MYO10: variants seen among roughly 807,000 people sequenced by gnomAD.
MYO10 encodes unconventional myosin-X.
In MYO10, 133 loss-of-function variants were observed where a neutral mutation model predicts 257.3. That is an observed-to-expected ratio of 0.52 (90% CI 0.45 to 0.60). The LOEUF is 0.60. Among genes scored for constraint, MYO10 ranks in the 20% least tolerant of loss-of-function variants. The pLI is 0.00. For synonymous variants in MYO10, 1,104 were observed against 1,028.6 expected (o/e 1.07, Z -1.40); for missense variants, 2,399 against 2,635.7 (o/e 0.91, Z 1.97).
intron 26 of MYO10, among the ~76,000 whole-genome samples, chr5:16,698,243 G>T (rs1000369237): frequency 1.3e-5 from 2 of 152,086 alleles, no homozygotes; most frequent in African/African-American, 2.4e-5. Context: ...TGCGCCTGCA[G>T]TCCTAGCTCC....
At chr5:16,791,566 A>ACACACACACACG (rs1272825679) in intron 4 of MYO10, among the ~76,000 whole-genome samples, 1 of 151,176 alleles carries the variant, frequency 6.6e-6, no homozygotes, top group Admixed American at 6.6e-5. Context: ...ACACACATAC[A>ACACACACACACG]CATATGCACA....
chr5:16,720,911 T>C (rs73051070), intron 19 of MYO10, among the ~76,000 whole-genome samples: 80 of 152,342 alleles, frequency 5.3e-4, no homozygotes, highest in African/African-American at 1.9e-3. Flanking sequence ...AATATGTGAA[T>C]TATGTAATAA....
At chr5:16,784,793 T>C (rs186539867) in intron 4 of MYO10, among the ~76,000 whole-genome samples, 2 of 152,236 alleles carry the variant, frequency 1.3e-5, no homozygotes, top group Admixed American at 1.3e-4. Flanking sequence ...TGTGAATCAA[T>C]TGCATGTAAT....
In MYO10 at chr5:16,899,628, CAAAAAAA is replaced by C. The variant is rs370278252; in HGVS notation, c.22-21928_22-21922del. ...GGGCAACAAGAGCAAAACTCAGTTT[CAAAAAAA>C]AAAAAAACAAAAAACAATGTGATAA... is the stretch of plus-strand genomic sequence containing the variant. On this transcript the variant is annotated intron_variant, in intron 1 of 40. Transcript: ENST00000513610. Among the ~76,000 whole-genome samples the C allele has an allele frequency of 1.1e-3, 132 of 123,380 alleles. 1 individual carries two copies. Among genetic ancestry groups the C allele is most frequent in the African/African-American group, 3.8e-3 (126 of 32,788 alleles). 80.9% of individuals were successfully genotyped at this position (123,380 alleles called of 152,430 possible).
Position 16,902,474 on chromosome 5 carries a change from C to T in MYO10, c.22-24767G>A, listed in dbSNP as rs149898337. On this transcript the variant is annotated intron_variant, in intron 1 of 40. Transcript: ENST00000513610. The stretch of plus-strand genomic sequence containing the variant: ...GAAGCACATAGGCATCGAAGACGCT[C>T]GCTTCAGACATGTCCCTGACTGCTG... The T allele has an allele frequency of 2.3e-3, 3,391 of 1,496,268 alleles. 68 individuals are homozygous for T. The African/African-American group carries it at 0.041, about 18-fold the overall frequency. The allele number at this position is 1,496,268 out of a possible 1,614,324, so 92.7% of individuals were successfully genotyped here.
chr5:16,834,723 G>A (rs1426080478), intron 2 of MYO10, among the ~76,000 whole-genome samples: 1 of 152,144 alleles, frequency 6.6e-6, no homozygotes, highest in African/African-American at 2.4e-5. Flanking sequence ...TAATTCCTTG[G>A]CTGCCCTTAA....
At chr5:16,762,402 TA>T in intron 15 of MYO10, 142 bp downstream of exon 15, 1 of 744,402 alleles carries the variant, frequency 1.3e-6, no homozygotes, top group Non-Finnish European at 2.1e-6. Flanking sequence ...TTAGTTCTAG[TA>T]ATAGAAGAAC....
At chr5:16,918,449 A>G (rs1395941169) in intron 1 of MYO10, among the ~76,000 whole-genome samples, 1 of 151,608 alleles carries the variant, frequency 6.6e-6, no homozygotes. Context: ...TTGGCATTCC[A>G]CACGGATGCT....
intron 1 of MYO10, among the ~76,000 whole-genome samples, chr5:16,896,712 G>A (rs879747744): frequency 2.6e-5 from 4 of 152,194 alleles, no homozygotes; most frequent in Non-Finnish European, 4.4e-5. Flanking sequence ...GGAATGACAG[G>A]AGCTGGATCT....
At position 16,675,102 on chromosome 5, in the gene MYO10, A is replaced by T; in HGVS notation, c.4715T>A (p.Ile1572Lys). The part of the protein sequence containing the change: ...YTTLQDEAIK[I>K]FNSLQQLESM... ...CTCCAGTTGCTGCAGGGAATTGAATATCTTGATGGCCTCATCCTGAAGGGT... is the reference window on the plus strand; with the variant it reads ...CTCCAGTTGCTGCAGGGAATTGAATTTCTTGATGGCCTCATCCTGAAGGGT... The change falls in exon 35 of 41, where the codon ATA (isoleucine) becomes AAA (lysine). Residue 1572 changes from isoleucine (I) to lysine (K), a missense_variant. Physicochemically the swap from Ile to Lys is moderately radical, Grantham distance 102 (BLOSUM62 -3). Coordinates refer to ENST00000513610, the MANE Select transcript of MYO10 (RefSeq NM_012334.3). 6.2e-7 allele frequency: 1 copy of T among 1,613,986 alleles called. No individual in the cohort carries two copies. Among genetic ancestry groups the T allele is most frequent in the Non-Finnish European group, 8.5e-7 (1 of 1,179,892 alleles).
At chr5:16,859,306 C>A (rs1744047669) in intron 2 of MYO10, among the ~76,000 whole-genome samples, 2 of 152,142 alleles carry the variant, frequency 1.3e-5, no homozygotes, top group South Asian at 2.1e-4. Context: ...TGTAGCTGTG[C>A]CCTCATGTGG....
At chr5:16,907,960 C>T (rs1363736924) in intron 1 of MYO10, among the ~76,000 whole-genome samples, 1 of 152,210 alleles carries the variant, frequency 6.6e-6, no homozygotes, top group Non-Finnish European at 1.5e-5. Flanking sequence ...TGGCCAGGCT[C>T]GGTGGCTCAC....
At chr5:16,764,209 G>C in intron 12 of MYO10, 41 bp downstream of exon 12, 1 of 1,605,592 alleles carries the variant, frequency 6.2e-7, no homozygotes, top group Non-Finnish European at 8.5e-7. Flanking sequence ...GCTAATCATG[G>C]ACAGAAGAGA....
At chr5:16,861,107 G>C (rs1420801198) in intron 2 of MYO10, among the ~76,000 whole-genome samples, 1 of 152,088 alleles carries the variant, frequency 6.6e-6, no homozygotes, top group East Asian at 1.9e-4. Context: ...CAAGGCCCTT[G>C]GTAGAAGCTT....
intron 3 of MYO10, among the ~76,000 whole-genome samples, chr5:16,812,092 C>T (rs886082464): frequency 2.0e-5 from 3 of 152,178 alleles, no homozygotes; most frequent in Non-Finnish European, 2.9e-5. Flanking sequence ...AGCCAACCCC[C>T]TCTCCTCAAG....
intron 4 of MYO10, among the ~76,000 whole-genome samples, chr5:16,790,410 T>C (rs1372034362): frequency 2.0e-5 from 3 of 152,122 alleles, no homozygotes; most frequent in African/African-American, 7.2e-5. Context: ...TTTGGCTGTG[T>C]CCCCACCCAG....
chr5:16,712,673 C>T (rs1738674827), intron 19 of MYO10, among the ~76,000 whole-genome samples: 1 of 152,244 alleles, frequency 6.6e-6, no homozygotes, highest in African/African-American at 2.4e-5. Flanking sequence ...TGCTTTGCAA[C>T]TGTCCCTCAC....
intron 39 of MYO10, 72 bp downstream of exon 39, chr5:16,670,454 G>C: frequency 7.4e-7 from 1 of 1,353,348 alleles, no homozygotes; most frequent in Non-Finnish European, 1.0e-6. Context: ...CTCTCCACAT[G>C]AACTTGGCCG....
Position 16,694,531 on chromosome 5 carries a change from G to C in MYO10, c.3640C>G (p.Leu1214Val). ...FLWFRSKQEA[L>V]KQGWLHKKGG... ...TTTTTGTGGAGCCAGCCTTGCTTGA[G>C]GGCCTCCTGCTTGGAGCGGAACCAC... The change falls in exon 27 of 41, where the codon CTC becomes GTC. Residue 1214 changes from leucine to valine, a missense_variant. Leu to Val is a conservative substitution (Grantham distance 32). This residue lies in a region of MYO10 where 1,820 missense variants were observed against 1,939.4 expected (regional missense o/e 0.94). Coordinates refer to ENST00000513610, the MANE Select transcript of MYO10 (RefSeq NM_012334.3). 3 of 1,613,974 alleles carry C rather than the reference G, an allele frequency of 1.9e-6. No homozygotes were observed. The highest frequency in any genetic ancestry group is 2.5e-6 in the Non-Finnish European group (3 of 1,179,896).
Sources: gnomAD v4.1 joint callset for allele counts (sites outside exome capture counted in the v4.1 genomes callset) on GRCh38, gnomAD v4.1.1 for gene constraint, gnomAD v4.1.1 regional missense constraint, MANE v1.5 for transcripts, NCBI Gene and HGNC (gene_info 2026-07-23, HGNC 2026-07-21) for gene names.